The following CHSY3 variants were observed in gnomAD, a reference collection of about 807,000 sequenced individuals.
CHSY3 encodes the protein chondroitin sulfate synthase 3, also known as N-acetylgalactosaminyl-proteoglycan 3-beta-glucuronosyltransferase 3.
A neutral mutation model predicts 67.2 loss-of-function variants in CHSY3; 35 were observed. The ratio of observed to expected loss-of-function variants is 0.52; its 90% CI spans 0.40 to 0.69. The LOEUF (loss-of-function observed/expected upper bound fraction) is 0.69. Among genes scored for constraint, CHSY3 ranks in the 30% least tolerant of loss-of-function variants. The probability of loss-of-function intolerance (pLI) is 0.00; values close to 1 mark genes in which losing one functional copy is unlikely to be tolerated. For missense variants in CHSY3, 1,069 were observed against 1,138.5 expected, an observed-to-expected ratio of 0.94 and a Z score of 0.88; for synonymous variants, 474 against 434.7, an observed-to-expected ratio of 1.09 and a Z score of -1.12.
intron 2 of CHSY3, among the ~76,000 whole-genome samples, chr5:129,930,175 A>G (rs750885769): frequency 1.3e-5 from 2 of 152,032 alleles, no homozygotes; most frequent in Non-Finnish European, 2.9e-5. Flanking sequence ...TCTACTAAAA[A>G]TACAAAAATT....
intron 2 of CHSY3, among the ~76,000 whole-genome samples, chr5:129,963,584 C>T (rs1420539351): frequency 1.3e-5 from 2 of 151,868 alleles, no homozygotes; most frequent in Non-Finnish European, 2.9e-5. Flanking sequence ...ACAGTGCAGC[C>T]CTCTATTCAG....
At chr5:129,918,786 T>C (rs1222704643) in intron 2 of CHSY3, among the ~76,000 whole-genome samples, 1 of 148,706 alleles carries the variant, frequency 6.7e-6, no homozygotes, top group African/African-American at 2.5e-5. Flanking sequence ...AGATCATACA[T>C]TGTAGATCAG....
intron 2 of CHSY3, among the ~76,000 whole-genome samples, chr5:130,022,162 C>T (rs899091934): frequency 4.6e-5 from 7 of 151,968 alleles, no homozygotes; most frequent in Non-Finnish European, 1.0e-4. Flanking sequence ...TAATTCTATA[C>T]CCAGGGGATT....
At chr5:130,039,593 G>C (rs1190908352) in intron 2 of CHSY3, among the ~76,000 whole-genome samples, 2 of 140,788 alleles carry the variant, frequency 1.4e-5, no homozygotes, top group African/African-American at 5.0e-5. Flanking sequence ...GACAGGGAGT[G>C]CAGTGGCACA....
chr5:130,049,243 T>G (rs527889413), intron 2 of CHSY3, among the ~76,000 whole-genome samples: 1 of 152,230 alleles, frequency 6.6e-6, no homozygotes, highest in East Asian at 1.9e-4. Flanking sequence ...TTGAGAATTT[T>G]GATTTTCATG....
At chr5:130,162,873 C>T (rs1399554524) in intron 2 of CHSY3, among the ~76,000 whole-genome samples, 2 of 152,150 alleles carry the variant, frequency 1.3e-5, no homozygotes, top group Non-Finnish European at 2.9e-5. Context: ...TACATAGCCG[C>T]AATCAACTCA....
chr5:130,126,259 A>C (rs1768283594), intron 2 of CHSY3, among the ~76,000 whole-genome samples: 1 of 151,932 alleles, frequency 6.6e-6, no homozygotes, highest in Admixed American at 6.6e-5. Flanking sequence ...CCTAAGGAAA[A>C]AAGACCAATG....
At chr5:130,162,057 A>AAAAAAAAAAAAAG (rs1554087189) in intron 2 of CHSY3, among the ~76,000 whole-genome samples, 22 of 122,978 alleles carry the variant, frequency 1.8e-4, no homozygotes, top group Non-Finnish European at 3.0e-4. Flanking sequence ...AAAAAAAAAA[A>AAAAAAAAAAAAAG]AAAGAAAGAA....
chr5:130,060,319 G>T (rs1048259561), intron 2 of CHSY3, among the ~76,000 whole-genome samples: 1 of 152,060 alleles, frequency 6.6e-6, no homozygotes, highest in African/African-American at 2.4e-5. Flanking sequence ...AAAACCATAT[G>T]ATCATTCCAA....
chr5:130,020,479 T>TTTTC (rs1213734366), intron 2 of CHSY3, among the ~76,000 whole-genome samples: 2 of 130,024 alleles, frequency 1.5e-5, no homozygotes, highest in African/African-American at 3.0e-5. Flanking sequence ...TTTTTTTTTT[T>TTTTC]CCTCTGGCTC....
At chr5:129,948,973 C>T (rs748941510) in intron 2 of CHSY3, among the ~76,000 whole-genome samples, 1 of 152,132 alleles carries the variant, frequency 6.6e-6, no homozygotes, top group Non-Finnish European at 1.5e-5. Flanking sequence ...TACATTCCCA[C>T]CCGGAGATTG....
intron 2 of CHSY3, among the ~76,000 whole-genome samples, chr5:130,082,242 G>A (rs1766469545): frequency 6.6e-6 from 1 of 151,328 alleles, no homozygotes; most frequent in Non-Finnish European, 1.5e-5. Context: ...GACATTTAAA[G>A]TGGACTGCTG....
intron 2 of CHSY3, among the ~76,000 whole-genome samples, chr5:130,120,982 C>A (rs1767997806): frequency 6.6e-6 from 1 of 152,166 alleles, no homozygotes; most frequent in East Asian, 1.9e-4. Flanking sequence ...AGTGCATGTG[C>A]CCACAGGGCT....
chr5:130,084,132 C>T lies in CHSY3; in HGVS notation c.1087-100097C>T, dbSNP rs202048476. Among the ~76,000 whole-genome samples the T allele has an allele frequency of 1.5e-4, 23 of 152,010 alleles. No individual in the cohort carries two copies. The East Asian group carries it at 2.5e-3, about 17-fold the overall frequency. On this transcript the variant is annotated intron_variant, in intron 2 of 2. Coordinates refer to ENST00000305031, the MANE Select transcript of CHSY3 (RefSeq NM_175856.5). ...TCTCCTTAGGTAATTCATATTAGTT[C>T]TATGATATCCTTCAAGAGGCACTTT...
intron 2 of CHSY3, among the ~76,000 whole-genome samples, chr5:130,155,827 G>A (rs188407325): frequency 3.9e-4 from 59 of 152,320 alleles, no homozygotes; most frequent in African/African-American, 1.4e-3. Context: ...ACATTAGTGA[G>A]ATTCTATTAA....
chr5:130,003,056 C>T (rs927923081), intron 2 of CHSY3, among the ~76,000 whole-genome samples: 3 of 152,190 alleles, frequency 2.0e-5, no homozygotes, highest in African/African-American at 7.2e-5. Context: ...CCTACTCAAA[C>T]TGATTTGTTC....
chr5:130,157,810 C>G (rs1406813080), intron 2 of CHSY3, among the ~76,000 whole-genome samples: 2 of 152,252 alleles, frequency 1.3e-5, no homozygotes, highest in Non-Finnish European at 2.9e-5. Context: ...TATTTCTTGA[C>G]TATATGCTAA....
At chr5:129,930,082 T>G (rs757856474) in intron 2 of CHSY3, among the ~76,000 whole-genome samples, 2 of 152,080 alleles carry the variant, frequency 1.3e-5, no homozygotes, top group Non-Finnish European at 2.9e-5. Flanking sequence ...GGATGGAATC[T>G]TAGCACTTTG....
At chr5:130,164,300 A>G (rs1301217115) in intron 2 of CHSY3, among the ~76,000 whole-genome samples, 1 of 152,176 alleles carries the variant, frequency 6.6e-6, no homozygotes, top group African/African-American at 2.4e-5. Context: ...CAACAGGATA[A>G]TTAGGGAGCA....
Sources: allele counts gnomAD v4.1 joint callset (sites outside exome capture counted in the v4.1 genomes callset), GRCh38; gene constraint gnomAD v4.1.1; transcripts MANE v1.5; gene names NCBI Gene and HGNC (gene_info 2026-07-23, HGNC 2026-07-21).